Variants in FMN2 observed in about 807,000 individuals in gnomAD.
The protein encoded by FMN2 is formin-2.
In FMN2, 51 loss-of-function variants were observed where a neutral mutation model predicts 142.3. That is an observed-to-expected ratio of 0.36 (90% CI 0.29 to 0.45). The LOEUF (loss-of-function observed/expected upper bound fraction) is 0.45. Ranked by LOEUF, FMN2 falls within the 20% of genes least tolerant of loss-of-function variation. FMN2 has a pLI of 1.00. For missense variants in FMN2, 1,936 were observed against 2,122.8 expected (o/e 0.91, Z 1.73); for synonymous variants, 882 against 869.8 (o/e 1.01, Z -0.25).
At chr1:240,435,734 T>A (rs1476727031) in intron 15 of FMN2, among the ~76,000 whole-genome samples, 1 of 152,208 alleles carries the variant, frequency 6.6e-6, no homozygotes, top group Non-Finnish European at 1.5e-5. Context: ...ATATTCCATG[T>A]CTTCTCATTC....
At chr1:240,438,623 C>G (rs1675490182) in intron 16 of FMN2, among the ~76,000 whole-genome samples, 1 of 152,206 alleles carries the variant, frequency 6.6e-6, no homozygotes, top group African/African-American at 2.4e-5. Context: ...CCACTCATAT[C>G]AAAAGTTCAT....
In FMN2 at chr1:240,336,906, G is replaced by A. The variant is rs183824577; in HGVS notation, c.4765+2677G>A. On this transcript the variant is annotated intron_variant, in intron 13 of 17. Coordinates refer to ENST00000319653, the MANE Select transcript of FMN2 (RefSeq NM_020066.5). ...TTTTTTTTTTGCTTTTCTCAATTTG[G>A]GGTTTTCCATGAAAAACAAGATGTT... Among the ~76,000 whole-genome samples the A allele has an allele frequency of 3.3e-3, 498 of 151,626 alleles. 1 individual carries two copies. The highest frequency in any genetic ancestry group is 4.9e-3 in the Non-Finnish European group (331 of 67,932).
At chr1:240,231,645 C>T (rs1434929577) in intron 6 of FMN2, among the ~76,000 whole-genome samples, 1 of 152,130 alleles carries the variant, frequency 6.6e-6, no homozygotes, top group Non-Finnish European at 1.5e-5. Context: ...ACAGTGGTGA[C>T]TTGAAATAAT....
At chr1:240,386,709 C>T (rs1302772205) in intron 14 of FMN2, among the ~76,000 whole-genome samples, 2 of 152,060 alleles carry the variant, frequency 1.3e-5, no homozygotes, top group South Asian at 2.1e-4. Flanking sequence ...ATATTAGTGC[C>T]GTTGGAGAAG....
rs568245358 is a variant in FMN2, at chr1:240,222,939, C to T, written c.4065+11704C>T. 6.0e-4 allele frequency among the ~76,000 whole-genome samples: 92 copies of T among 152,260 alleles called. 2 individuals are homozygous for T. In the Middle Eastern group the frequency reaches 0.02, roughly 34 times the overall value. ...AATATACAATCATGTCATCTGCAAA[C>T]GGAGACAATTTGACTTCCTATTTGA... On this transcript the variant is annotated intron_variant, in intron 6 of 17. Transcript: ENST00000319653.
intron 8 of FMN2, among the ~76,000 whole-genome samples, chr1:240,310,864 T>G (rs1670581333): frequency 6.6e-6 from 1 of 152,212 alleles, no homozygotes; most frequent in South Asian, 2.1e-4. Context: ...AATATTCATG[T>G]ATAACTATCA....
Position 240,195,204 on chromosome 1 carries a change from T to C in FMN2, c.1986+6942T>C, listed in dbSNP as rs540676285. Among the ~76,000 whole-genome samples, 8 of 152,298 alleles carry C rather than the reference T, an allele frequency of 5.3e-5. 1 individual carries two copies. The highest frequency in any genetic ancestry group is 3.4e-3 in the Middle Eastern group (1 of 294). On this transcript the variant is annotated intron_variant, in intron 4 of 17. Coordinates refer to ENST00000319653, the MANE Select transcript of FMN2 (RefSeq NM_020066.5). ...CTTTCACGGCCAATCACAAACACGCTCCAAGTGGCAAGAAATTTGAGTTGC... is the reference window on the plus strand; with the variant it reads ...CTTTCACGGCCAATCACAAACACGCCCCAAGTGGCAAGAAATTTGAGTTGC...
chr1:240,309,915 G>A (rs1432974622), intron 8 of FMN2, among the ~76,000 whole-genome samples: 2 of 152,112 alleles, frequency 1.3e-5, no homozygotes, highest in Admixed American at 1.3e-4. Flanking sequence ...TATGGTAGGT[G>A]TCATGCTCAT....
intron 16 of FMN2, among the ~76,000 whole-genome samples, chr1:240,441,059 A>T (rs1222348779): frequency 6.9e-6 from 1 of 145,022 alleles, no homozygotes; most frequent in East Asian, 2.0e-4. Flanking sequence ...CGGTGGCGCG[A>T]TCTTGGCTCA....
intron 2 of FMN2, chr1:240,144,817 A>G: frequency 7.0e-7 from 1 of 1,433,872 alleles, no homozygotes; most frequent in Non-Finnish European, 9.8e-7. Context: ...CCTTCACCAG[A>G]GTGAGCAGTG....
chr1:240,443,461 T>G (rs919642345), intron 16 of FMN2, among the ~76,000 whole-genome samples: 1 of 152,234 alleles, frequency 6.6e-6, no homozygotes, highest in Non-Finnish European at 1.5e-5. Flanking sequence ...TGGTGGCTCA[T>G]ACCTGTAATG....
At chr1:240,185,864 G>GA (rs1301782769) in intron 3 of FMN2, among the ~76,000 whole-genome samples, 2 of 152,140 alleles carry the variant, frequency 1.3e-5, no homozygotes, top group Non-Finnish European at 2.9e-5. Flanking sequence ...AAAAACAATA[G>GA]AAAATGAGAG....
intron 15 of FMN2, among the ~76,000 whole-genome samples, chr1:240,403,897 A>G (rs1267840515): frequency 1.3e-5 from 2 of 152,202 alleles, no homozygotes; most frequent in African/African-American, 2.4e-5. Context: ...TAGCAAGGCA[A>G]TTGGAAACAA....
chr1:240,237,265 G>T (rs563683165), intron 6 of FMN2, among the ~76,000 whole-genome samples: 1 of 152,118 alleles, frequency 6.6e-6, no homozygotes, highest in African/African-American at 2.4e-5. Flanking sequence ...AGGTATAGTC[G>T]GATAAGTTGC....
intron 13 of FMN2, among the ~76,000 whole-genome samples, chr1:240,350,460 T>C (rs2103039605): frequency 6.6e-6 from 1 of 152,348 alleles, no homozygotes; most frequent in East Asian, 1.9e-4. Flanking sequence ...GTGAATAGGA[T>C]AGCCCTTGGC....
At chr1:240,379,578 T>A (rs1297050000) in intron 14 of FMN2, among the ~76,000 whole-genome samples, 1 of 152,180 alleles carries the variant, frequency 6.6e-6, no homozygotes, top group African/African-American at 2.4e-5. Flanking sequence ...CATCTATGAT[T>A]TTAAAATTGC....
At chr1:240,150,386 A>G (rs1054602515) in intron 2 of FMN2, among the ~76,000 whole-genome samples, 3 of 150,050 alleles carry the variant, frequency 2.0e-5, no homozygotes, top group Non-Finnish European at 3.0e-5. Context: ...CATCCATCCC[A>G]TGTGCTCATT....
At chr1:240,291,430 C>T (rs1022276419) in intron 7 of FMN2, among the ~76,000 whole-genome samples, 1 of 152,148 alleles carries the variant, frequency 6.6e-6, no homozygotes, top group Admixed American at 6.5e-5. Context: ...TACTCAGCAT[C>T]TTAAAGCAGC....
intron 8 of FMN2, among the ~76,000 whole-genome samples, chr1:240,298,349 T>G (rs981863922): frequency 4.6e-5 from 7 of 152,222 alleles, no homozygotes; most frequent in Non-Finnish European, 7.3e-5. Flanking sequence ...AATTCCTGAT[T>G]AATATCTATT....
Sources: allele counts gnomAD v4.1 joint callset (sites outside exome capture counted in the v4.1 genomes callset), GRCh38; gene constraint gnomAD v4.1.1; transcripts MANE v1.5; gene names NCBI Gene and HGNC (gene_info 2026-07-23, HGNC 2026-07-21).